SLC25A27: variants seen among roughly 807,000 people sequenced by gnomAD.
SLC25A27 encodes the protein solute carrier family 25 member 27, also known as mitochondrial uncoupling protein 4.
A neutral mutation model predicts 49.1 loss-of-function variants in SLC25A27; 35 were observed. The ratio of observed to expected loss-of-function variants is 0.71; its 90% CI spans 0.54 to 0.95. The LOEUF is 0.95. SLC25A27 is among the 40% of genes least tolerant of loss of function. The pLI is 0.00. For synonymous variants in SLC25A27, 144 were observed against 136.9 expected, an observed-to-expected ratio of 1.05 and a Z score of -0.36; for missense variants, 339 against 397.1, an observed-to-expected ratio of 0.85 and a Z score of 1.24.
rs1256335034 is a variant in SLC25A27, at chr6:46,676,490, C to G, written c.*36C>G. On this transcript the variant is annotated 3_prime_UTR_variant, in exon 9 of 9. Coordinates refer to ENST00000371347, the MANE Select transcript of SLC25A27 (RefSeq NM_004277.5). ...ATGCAACCCTTAAAGATACAGTGTT[C>G]AGTATTATTGAAATATGGGCATCTG... 6.2e-7 allele frequency: 1 copy of G among 1,612,944 alleles called. No individual in the cohort carries two copies. Among genetic ancestry groups the G allele is most frequent in the Non-Finnish European group, 8.5e-7 (1 of 1,179,316 alleles).
chr6:46,672,678 C>T (rs759167204), intron 8 of SLC25A27, among the ~76,000 whole-genome samples: 1 of 151,978 alleles, frequency 6.6e-6, no homozygotes, highest in Non-Finnish European at 1.5e-5. Flanking sequence ...GGATCATCTG[C>T]AGGGAAGATT....
At chr6:46,655,745 A>G in intron 1 of SLC25A27, 98 bp from the exon 2 acceptor site, 2 of 1,010,512 alleles carry the variant, frequency 2.0e-6, no homozygotes, top group Non-Finnish European at 2.9e-6. Flanking sequence ...AAAATTTGAG[A>G]ACAACCAGTC....
chr6:46,657,480 C>T (rs920929141), intron 2 of SLC25A27, among the ~76,000 whole-genome samples: 1 of 151,664 alleles, frequency 6.6e-6, no homozygotes, highest in Non-Finnish European at 1.5e-5. Flanking sequence ...ATAAAAAATA[C>T]AAAATAAATT....
At chr6:46,668,576 T>C (rs1347802547) in intron 5 of SLC25A27, 133 bp from the exon 6 acceptor site, 14 of 600,036 alleles carry the variant, frequency 2.3e-5, no homozygotes, top group Non-Finnish European at 4.3e-5. Flanking sequence ...GTAGCTGTGC[T>C]TTCCTTGAGA....
chr6:46,662,541 C>T, intron 4 of SLC25A27, 43 bp downstream of exon 4: 2 of 1,601,708 alleles, frequency 1.2e-6, no homozygotes, highest in Non-Finnish European at 8.5e-7. Context: ...TTCCCTTGGC[C>T]ACCGTCATAT....
At chr6:46,658,842 A>G (rs1214980221) in intron 2 of SLC25A27, 120 bp from the exon 3 acceptor site, 4 of 777,712 alleles carry the variant, frequency 5.1e-6, no homozygotes, top group Non-Finnish European at 9.2e-6. Flanking sequence ...GCCCCATGAG[A>G]CAAAGACACA....
At chr6:46,655,699 T>A in intron 1 of SLC25A27, 144 bp from the exon 2 acceptor site, 1 of 695,002 alleles carries the variant, frequency 1.4e-6, no homozygotes, top group Non-Finnish European at 2.3e-6. Flanking sequence ...AAATTTCTAA[T>A]TTTTAAAATC....
intron 8 of SLC25A27, among the ~76,000 whole-genome samples, chr6:46,671,800 A>T (rs1157532770): frequency 6.6e-6 from 1 of 152,016 alleles, no homozygotes; most frequent in Non-Finnish European, 1.5e-5. Context: ...TTCTAATTCT[A>T]TAATGTAGAA....
intron 3 of SLC25A27, among the ~76,000 whole-genome samples, chr6:46,661,710 T>G (rs1763170096): frequency 6.6e-6 from 1 of 152,234 alleles, no homozygotes; most frequent in Admixed American, 6.5e-5. Flanking sequence ...GCTCTATGCT[T>G]CAGTTTCCTC....
chr6:46,664,689 T>C, intron 4 of SLC25A27, 85 bp from the exon 5 acceptor site: 1 of 568,422 alleles, frequency 1.8e-6, no homozygotes, highest in East Asian at 3.1e-5. Flanking sequence ...CTCCAGATTA[T>C]AAGAGCTATA....
intron 4 of SLC25A27, among the ~76,000 whole-genome samples, chr6:46,662,915 T>C (rs376682085): frequency 6.6e-6 from 1 of 152,226 alleles, no homozygotes; most frequent in African/African-American, 2.4e-5. Flanking sequence ...ATGGTTAACA[T>C]GCCTGACTGC....
At chr6:46,667,113 CT>C (rs1159514483) in intron 5 of SLC25A27, among the ~76,000 whole-genome samples, 2 of 152,120 alleles carry the variant, frequency 1.3e-5, no homozygotes, top group African/African-American at 4.8e-5. Flanking sequence ...TTGCTACTAC[CT>C]TATTTTTTTT....
At chr6:46,662,062 G>A (rs745427107) in intron 3 of SLC25A27, among the ~76,000 whole-genome samples, 27 of 152,136 alleles carry the variant, frequency 1.8e-4, no homozygotes, top group Non-Finnish European at 3.1e-4. Flanking sequence ...CATCTATGCA[G>A]TTTTTATTCC....
At position 46,653,721 on chromosome 6, in the gene SLC25A27, C is replaced by T. The variant is rs1292058413; in HGVS notation, c.106+423C>T. 3.1e-5 allele frequency: 31 copies of T among 985,168 alleles called. No individual in the cohort carries two copies. In the Admixed American group the frequency reaches 1.9e-3, roughly 61 times the overall value. 61.0% of individuals were successfully genotyped at this position (985,168 alleles called of 1,614,324 possible). A position where few individuals can be genotyped will look rare whatever the true frequency, so the allele number is the denominator to read the frequency against. ...TTGTGGGTCCAAGTTGTGGACCTAC[C>T]TTGTGGGACTTCCGTTATTAACCTG... is the stretch of plus-strand genomic sequence containing the variant. On this transcript the variant is annotated intron_variant, in intron 1 of 8. Coordinates refer to ENST00000371347, the MANE Select transcript of SLC25A27 (RefSeq NM_004277.5).
rs754424020 is a variant in SLC25A27, at chr6:46,676,398, G to A, written c.916G>A (p.Val306Met). 1 of 1,613,832 alleles carries A rather than the reference G, an allele frequency of 6.2e-7. No homozygotes were observed. Among genetic ancestry groups the A allele is most frequent in the South Asian group, 1.1e-5 (1 of 91,066 alleles). ...AATCTTTCAGACCCCTTGGTCAATG[G>A]TGTTCTGGCTTACTTATGAAAAAAT... ...SWLRMTPWSMVFWLTYEKIRE... is the reference protein window; with the variant it reads ...SWLRMTPWSMMFWLTYEKIRE... Residue 306 changes from valine to methionine, a missense_variant, in exon 9 of 9, where the codon GTG becomes ATG. Transcript: ENST00000371347.
chr6:46,664,726 T>C, intron 4 of SLC25A27, 48 bp from the exon 5 acceptor site: 1 of 1,035,708 alleles, frequency 9.7e-7, no homozygotes, highest in Non-Finnish European at 1.4e-6. Context: ...TTGAATTTCA[T>C]ACACAGGAAT....
intron 8 of SLC25A27, among the ~76,000 whole-genome samples, chr6:46,674,853 AAG>A (rs1011262298): frequency 9.9e-5 from 15 of 152,180 alleles, no homozygotes; most frequent in African/African-American, 3.6e-4. Context: ...TAATCAACCC[AAG>A]AGAGCTCTTA....
chr6:46,668,655 C>A, intron 5 of SLC25A27, 54 bp from the exon 6 acceptor site: 2 of 1,021,686 alleles, frequency 2.0e-6, no homozygotes, highest in Non-Finnish European at 3.1e-6. Context: ...ATATTCTTGA[C>A]ACAAAAGACA....
intron 3 of SLC25A27, among the ~76,000 whole-genome samples, chr6:46,661,813 A>T (rs375161823): frequency 6.6e-6 from 1 of 152,246 alleles, no homozygotes; most frequent in African/African-American, 2.4e-5. Context: ...TGACATGAGC[A>T]TTCAGTGAAT....
Sources: allele counts gnomAD v4.1 joint callset (sites outside exome capture counted in the v4.1 genomes callset), GRCh38; gene constraint gnomAD v4.1.1; transcripts MANE v1.5; gene names NCBI Gene and HGNC (gene_info 2026-07-23, HGNC 2026-07-21).